Variants in MRPS28 observed in about 807,000 individuals in gnomAD.
MRPS28 encodes small ribosomal subunit protein bS1m.
Under a neutral mutation model 10.8 loss-of-function variants are expected in MRPS28, and 7 were observed. The observed-to-expected ratio is 0.65, with a 90% CI of 0.37 to 1.22. MRPS28 has a LOEUF of 1.22. Ranked by LOEUF, MRPS28 falls within the 50% of genes most tolerant of loss-of-function variation. The pLI is 0.02. For synonymous variants in MRPS28, 121 were observed against 93.3 expected, an observed-to-expected ratio of 1.30 and a Z score of -1.71; for missense variants, 265 against 232.9, an observed-to-expected ratio of 1.14 and a Z score of -0.90.
intron 2 of MRPS28, among the ~76,000 whole-genome samples, chr8:79,991,933 T>G (rs1439035543): frequency 6.9e-6 from 1 of 144,628 alleles, no homozygotes; most frequent in Non-Finnish European, 1.6e-5. Context: ...TCTCTCTCTC[T>G]CTCTCTCTCT....
At chr8:79,973,850 A>AG (rs1197593091) in intron 2 of MRPS28, among the ~76,000 whole-genome samples, 82 of 151,632 alleles carry the variant, frequency 5.4e-4, no homozygotes, top group African/African-American at 1.8e-3. Flanking sequence ...AAAAAAAAAA[A>AG]AAAGAAAGAA....
At chr8:79,951,526 G>A (rs1807080121) in intron 2 of MRPS28, among the ~76,000 whole-genome samples, 1 of 152,084 alleles carries the variant, frequency 6.6e-6, no homozygotes, top group Non-Finnish European at 1.5e-5. Flanking sequence ...CCCCTACCTT[G>A]GGCCCTGAGT....
In MRPS28 at chr8:79,970,976, G is replaced by T. The variant is rs552352649; in HGVS notation, c.395+32023C>A. Among the ~76,000 whole-genome samples the T allele has an allele frequency of 4.6e-5, 7 of 152,248 alleles. No homozygotes were observed. In the East Asian group the frequency reaches 1.4e-3, roughly 29 times the overall value. ...GTGAATTGCACTGTATAGTAACTTT[G>T]GAAAAATGCCGCCTTTAATATAAAC... On this transcript the variant is annotated intron_variant, in intron 2 of 2. Coordinates refer to ENST00000276585, the MANE Select transcript of MRPS28 (RefSeq NM_014018.3).
rs1554575869 is a variant in MRPS28 at position 80,028,645 on chromosome 8, C to CGGGCGGGGCGGGGGG, written c.213+1390_213+1391insCCCCCCGCCCCGCCC. 6.0e-4 allele frequency: 2 copies of CGGGCGGGGCGGGGGG among 3,332 alleles called. 1 individual carries two copies. 0.2% of individuals were successfully genotyped at this position (3,332 alleles called of 1,614,324 possible). On this transcript the variant is annotated intron_variant, in intron 1 of 2. Transcript: ENST00000276585. ...TCACAGGGATCTCAAAAGCAGAAGA[C>CGGGCGGGGCGGGGGG]GGGCGGGGGGGGCGGGGCCGGGCGG...
At chr8:79,945,736 C>T (rs1806896597) in intron 2 of MRPS28, among the ~76,000 whole-genome samples, 1 of 152,042 alleles carries the variant, frequency 6.6e-6, no homozygotes, top group Non-Finnish European at 1.5e-5. Flanking sequence ...TAACTGTTAA[C>T]ATAATGAATT....
chr8:79,957,895 C>T (rs1807270897), intron 2 of MRPS28: 1 of 152,598 alleles, frequency 6.6e-6, no homozygotes, highest in Non-Finnish European at 1.5e-5. Context: ...TATAGATTCA[C>T]ATATTACAGT....
Position 80,001,287 on chromosome 8 carries a change from C to T in MRPS28, c.395+1712G>A, listed in dbSNP as rs115595086. ...AAAAGAGCACTTTATTTTATAATTA[C>T]TATATATTTTCTACTAATGAAAAAA... On this transcript the variant is annotated intron_variant, in intron 2 of 2. Transcript: ENST00000276585. Among the ~76,000 whole-genome samples the T allele has an allele frequency of 2.2e-3, 335 of 152,292 alleles. 2 individuals are homozygous for T. The highest frequency in any genetic ancestry group is 7.8e-3 in the African/African-American group (323 of 41,562).
At position 80,023,128 on chromosome 8, in the gene MRPS28, T is replaced by C. The variant is rs189069893; in HGVS notation, c.213+6908A>G. Among the ~76,000 whole-genome samples the C allele has an allele frequency of 2.6e-5, 4 of 152,304 alleles. No homozygotes were observed. In the East Asian group the frequency reaches 7.7e-4, roughly 29 times the overall value. The stretch of plus-strand genomic sequence containing the variant: ...AAACATGCTTTGAAAATGTGAGACA[T>C]ACAACATTTCAAAAGATTTTTATTA... On this transcript the variant is annotated intron_variant, in intron 1 of 2. Transcript: ENST00000276585.
At chr8:79,946,597 G>A (rs1186924920) in intron 2 of MRPS28, among the ~76,000 whole-genome samples, 3 of 152,042 alleles carry the variant, frequency 2.0e-5, no homozygotes, top group African/African-American at 7.2e-5. Flanking sequence ...TCTCTAGAAT[G>A]CAACAAATAA....
At chr8:79,958,469 A>C in intron 2 of MRPS28, 1 of 617,018 alleles carries the variant, frequency 1.6e-6, no homozygotes, top group Non-Finnish European at 2.9e-6. Context: ...GATTCAGAAG[A>C]ACTCAAGGCT....
chr8:80,029,175 TACA>T (rs1207801317), intron 1 of MRPS28, among the ~76,000 whole-genome samples: 8 of 152,214 alleles, frequency 5.3e-5, no homozygotes, highest in Non-Finnish European at 1.2e-4. Context: ...AGTAATTTGT[TACA>T]ACAGAAAATA....
At chr8:79,921,879 T>G (rs1167267653) in intron 2 of MRPS28, among the ~76,000 whole-genome samples, 1 of 152,314 alleles carries the variant, frequency 6.6e-6, no homozygotes. Context: ...AAGGGAATGC[T>G]TCCAGTTTTT....
chr8:79,950,957 C>T (rs146815576), intron 2 of MRPS28, among the ~76,000 whole-genome samples: 1,834 of 152,274 alleles, frequency 0.012, 16 homozygotes, highest in Non-Finnish European at 0.021. Flanking sequence ...ACCACTCCCC[C>T]CCACCTCCAT....
chr8:79,944,936 C>T (rs914013171), intron 2 of MRPS28, among the ~76,000 whole-genome samples: 2 of 152,080 alleles, frequency 1.3e-5, no homozygotes, highest in African/African-American at 2.4e-5. Context: ...CTCAAGCAAT[C>T]TGTCCACCTC....
intron 1 of MRPS28, among the ~76,000 whole-genome samples, chr8:80,010,406 T>C (rs917324333): frequency 2.0e-5 from 3 of 152,194 alleles, no homozygotes; most frequent in African/African-American, 4.8e-5. Context: ...CACAACTATA[T>C]TTGTGACTTA....
Position 80,001,884 on chromosome 8 carries a change from A to G in MRPS28, c.395+1115T>C, listed in dbSNP as rs574040783. On this transcript the variant is annotated intron_variant, in intron 2 of 2. Transcript: ENST00000276585. ...TGTGCACACATCTTCCCAACTCTGC[A>G]TTCGGTGACATCATGTTGGTGACTT... Among the ~76,000 whole-genome samples, 5 of 152,214 alleles carry G rather than the reference A, an allele frequency of 3.3e-5. No homozygotes were observed. The East Asian group carries it at 9.6e-4, about 29-fold the overall frequency.
intron 2 of MRPS28, among the ~76,000 whole-genome samples, chr8:79,991,765 C>T (rs1167996012): frequency 1.3e-5 from 2 of 152,126 alleles, no homozygotes; most frequent in Admixed American, 6.5e-5. Context: ...AAACTCTGTA[C>T]ACCTCCCTCT....
At chr8:79,943,812 T>A (rs1272992740) in intron 2 of MRPS28, among the ~76,000 whole-genome samples, 3 of 152,178 alleles carry the variant, frequency 2.0e-5, no homozygotes, top group Non-Finnish European at 4.4e-5. Flanking sequence ...TTAGGAAATG[T>A]TTTTACATTA....
chr8:79,964,527 A>G (rs1049623313), intron 2 of MRPS28, among the ~76,000 whole-genome samples: 1 of 152,136 alleles, frequency 6.6e-6, no homozygotes, highest in African/African-American at 2.4e-5. Context: ...TCTGTATTTA[A>G]GCATATGTGT....
Sources: allele counts gnomAD v4.1 joint callset (sites outside exome capture counted in the v4.1 genomes callset), GRCh38; gene constraint gnomAD v4.1.1; transcripts MANE v1.5; gene names NCBI Gene and HGNC (gene_info 2026-07-23, HGNC 2026-07-21).